GRID2: variants seen among roughly 807,000 people sequenced by gnomAD.
GRID2 encodes glutamate receptor ionotropic, delta-2.
A neutral mutation model predicts 114.8 loss-of-function variants in GRID2; 33 were observed. The observed-to-expected ratio is 0.29, with a 90% CI of 0.22 to 0.38. The LOEUF (loss-of-function observed/expected upper bound fraction) is 0.38, where lower values mean the gene tolerates loss of function less well. Among genes scored for constraint, GRID2 ranks in the 10% least tolerant of loss-of-function variants. GRID2 has a pLI of 1.00. For synonymous variants in GRID2, 505 were observed against 449.9 expected (o/e 1.12, Z -1.55); for missense variants, 1,184 against 1,257.7 (o/e 0.94, Z 0.89).
At chr4:92,692,877 G>A (rs191640391) in intron 2 of GRID2, among the ~76,000 whole-genome samples, 136 of 152,154 alleles carry the variant, frequency 8.9e-4, no homozygotes, top group African/African-American at 3.2e-3. Context: ...ACAAAAATTA[G>A]CCAGGCATGG....
chr4:93,050,075 C>T (rs1726543068), intron 2 of GRID2, among the ~76,000 whole-genome samples: 1 of 151,968 alleles, frequency 6.6e-6, no homozygotes, highest in Admixed American at 6.6e-5. Context: ...TTATCTTAAT[C>T]CAGTCCTAGA....
intron 8 of GRID2, among the ~76,000 whole-genome samples, chr4:93,271,179 G>A (rs1055002978): frequency 1.3e-5 from 2 of 152,118 alleles, no homozygotes; most frequent in East Asian, 1.9e-4. Flanking sequence ...TCTGAAGCAC[G>A]TAGACATATC....
intron 14 of GRID2, among the ~76,000 whole-genome samples, chr4:93,658,963 T>C (rs1723250026): frequency 6.6e-6 from 1 of 152,082 alleles, no homozygotes; most frequent in South Asian, 2.1e-4. Flanking sequence ...TCCACACTTC[T>C]GGGGAGACTC....
At chr4:92,578,153 A>C (rs2149199676) in intron 1 of GRID2, among the ~76,000 whole-genome samples, 1 of 143,444 alleles carries the variant, frequency 7.0e-6, no homozygotes, top group Non-Finnish European at 1.5e-5. Flanking sequence ...GTTTTAGGGT[A>C]CATGTGCACA....
chr4:93,783,641 C>A (rs1361793733), intron 1 of GRID2, among the ~76,000 whole-genome samples: 3 of 152,218 alleles, frequency 2.0e-5, no homozygotes, highest in Non-Finnish European at 2.9e-5. Context: ...GGATTAGCAT[C>A]TACAGAAGAC....
rs1358745752 is a variant in GRID2 at position 92,955,895 on chromosome 4, T to A, written c.245-129100T>A. 2.0e-5 allele frequency among the ~76,000 whole-genome samples: 3 copies of A among 152,290 alleles called. No homozygotes were observed. The East Asian group carries it at 5.8e-4, about 29-fold the overall frequency. On this transcript the variant is annotated intron_variant, in intron 2 of 15. Transcript: ENST00000282020. The stretch of plus-strand genomic sequence containing the variant: ...GGGAATCCTTTCCCCATTGCTTGTT[T>A]TTCTCAGTAGAGATAGGATTTCACC...
At chr4:93,338,078 T>G (rs1759269641) in intron 8 of GRID2, among the ~76,000 whole-genome samples, 1 of 152,214 alleles carries the variant, frequency 6.6e-6, no homozygotes, top group Non-Finnish European at 1.5e-5. Flanking sequence ...TGATATATTT[T>G]GTTTATATAA....
At chr4:92,404,403 GT>G (rs1730933764) in intron 1 of GRID2, among the ~76,000 whole-genome samples, 1 of 152,166 alleles carries the variant, frequency 6.6e-6, no homozygotes. Flanking sequence ...TGGCAAGGCT[GT>G]GGAGAAACAG....
At chr4:93,461,960 A>G (rs542506290) in intron 11 of GRID2, among the ~76,000 whole-genome samples, 2 of 152,288 alleles carry the variant, frequency 1.3e-5, no homozygotes, top group African/African-American at 4.8e-5. Context: ...ATGTAGTTGT[A>G]TGTAATTTGC....
At chr4:93,046,419 A>C (rs1007881605) in intron 2 of GRID2, among the ~76,000 whole-genome samples, 2 of 152,122 alleles carry the variant, frequency 1.3e-5, no homozygotes, top group African/African-American at 4.8e-5. Context: ...GTAAGATTTC[A>C]AGATAAAAGT....
At chr4:92,400,074 T>C (rs1730714116) in intron 1 of GRID2, among the ~76,000 whole-genome samples, 1 of 152,184 alleles carries the variant, frequency 6.6e-6, no homozygotes, top group Non-Finnish European at 1.5e-5. Context: ...ACCTGTCTCA[T>C]TCACATTTTA....
intron 1 of GRID2, among the ~76,000 whole-genome samples, chr4:92,515,300 T>G (rs1438625043): frequency 2.0e-5 from 3 of 151,910 alleles, no homozygotes; most frequent in African/African-American, 7.2e-5. Context: ...TTTAATAAAC[T>G]GTGATCACTG....
intron 13 of GRID2, among the ~76,000 whole-genome samples, chr4:93,540,939 T>C (rs1732591653): frequency 6.6e-6 from 1 of 152,176 alleles, no homozygotes; most frequent in Non-Finnish European, 1.5e-5. Flanking sequence ...CTTAAACATA[T>C]TAACATTTTT....
intron 13 of GRID2, among the ~76,000 whole-genome samples, chr4:93,558,124 A>C (rs1391399097): frequency 1.3e-5 from 2 of 152,200 alleles, no homozygotes; most frequent in Non-Finnish European, 2.9e-5. Context: ...AAATGCCCAC[A>C]GGAGAAAGCA....
At chr4:93,417,968 C>A (rs1180002550) in intron 9 of GRID2, among the ~76,000 whole-genome samples, 3 of 149,536 alleles carry the variant, frequency 2.0e-5, no homozygotes, top group African/African-American at 7.4e-5. Flanking sequence ...GTATTCATAC[C>A]TAAGGAGTGG....
chr4:93,356,800 A>T (rs1053873257), intron 8 of GRID2, among the ~76,000 whole-genome samples: 2 of 151,826 alleles, frequency 1.3e-5, no homozygotes, highest in Non-Finnish European at 2.9e-5. Flanking sequence ...TCTTGTTCAT[A>T]TTTTTGAGTA....
intron 2 of GRID2, among the ~76,000 whole-genome samples, chr4:92,763,225 A>G (rs1738104014): frequency 6.6e-6 from 1 of 152,214 alleles, no homozygotes; most frequent in Non-Finnish European, 1.5e-5. Flanking sequence ...ATTAACTTCT[A>G]GGCTTTAGTC....
intron 8 of GRID2, among the ~76,000 whole-genome samples, chr4:93,337,472 G>A (rs1164864985): frequency 1.3e-5 from 2 of 152,146 alleles, no homozygotes; most frequent in Non-Finnish European, 2.9e-5. Flanking sequence ...TTATCGCTGA[G>A]GAACCCCAGC....
intron 1 of GRID2, among the ~76,000 whole-genome samples, chr4:92,575,942 AG>A (rs1727869140): frequency 6.6e-6 from 1 of 152,202 alleles, no homozygotes; most frequent in African/African-American, 2.4e-5. Context: ...GGAGTGGATC[AG>A]GGTCCCCCTT....
Sources: gnomAD v4.1 joint callset for allele counts (sites outside exome capture counted in the v4.1 genomes callset) on GRCh38, gnomAD v4.1.1 for gene constraint, MANE v1.5 for transcripts, NCBI Gene and HGNC (gene_info 2026-07-23, HGNC 2026-07-21) for gene names.